The following VPS13B variants were observed in gnomAD, a reference collection of about 807,000 sequenced individuals.
The protein encoded by VPS13B is vacuolar protein sorting 13 homolog B.
Under a neutral mutation model 426.4 loss-of-function variants are expected in VPS13B, and 285 were observed. The ratio of observed to expected loss-of-function variants is 0.67; its 90% CI spans 0.61 to 0.74. VPS13B has a LOEUF of 0.74. Ranked by LOEUF, VPS13B falls within the 30% of genes least tolerant of loss-of-function variation. The pLI is 0.00. For synonymous variants in VPS13B, 1,676 were observed against 1,676.4 expected, an observed-to-expected ratio of 1.00 and a Z score of 0.01; for missense variants, 4,537 against 4,782.6, an observed-to-expected ratio of 0.95 and a Z score of 1.51.
At chr8:99,089,551 A>G (rs1460468458) in intron 3 of VPS13B, among the ~76,000 whole-genome samples, 1 of 152,212 alleles carries the variant, frequency 6.6e-6, no homozygotes, top group African/African-American at 2.4e-5. Context: ...CTTCCAAGTA[A>G]TAGGTGGAAT....
chr8:99,090,198 A>G lies in VPS13B; in HGVS notation c.292-6114A>G, dbSNP rs750216636. 5.1e-4 allele frequency among the ~76,000 whole-genome samples: 77 copies of G among 151,094 alleles called. 1 individual carries two copies. The highest frequency in any genetic ancestry group is 1.9e-4 in the Non-Finnish European group (13 of 67,864). ...CTCCACTTTTCTTAAGAGAAGCTCT[A>G]CTTTTCTTATCCTTGAAATACTTGC... On this transcript the variant is annotated intron_variant, in intron 3 of 61. Transcript: ENST00000357162.
chr8:99,467,238 C>T (rs150542171), intron 23 of VPS13B, among the ~76,000 whole-genome samples, 176 bp from the exon 24 acceptor site: 34 of 152,156 alleles, frequency 2.2e-4, no homozygotes, highest in Non-Finnish European at 4.0e-4. Flanking sequence ...TAATTACTGA[C>T]AGAATTTTCA....
intron 3 of VPS13B, among the ~76,000 whole-genome samples, chr8:99,067,389 A>T (rs1312038168): frequency 6.6e-6 from 1 of 152,224 alleles, no homozygotes; most frequent in African/African-American, 2.4e-5. Flanking sequence ...AAACCGTCAC[A>T]AGGATAGAAA....
At chr8:99,487,494 C>T (rs1322037292) in intron 25 of VPS13B, among the ~76,000 whole-genome samples, 1 of 152,064 alleles carries the variant, frequency 6.6e-6, no homozygotes, top group Non-Finnish European at 1.5e-5. Context: ...TTAAAATGTA[C>T]AATTTAGTGG....
intron 31 of VPS13B, among the ~76,000 whole-genome samples, chr8:99,566,599 C>T (rs899541710): frequency 2.0e-5 from 3 of 152,048 alleles, no homozygotes; most frequent in Admixed American, 1.3e-4. Context: ...TGTGCCGCCA[C>T]GCCCAGCTGA....
intron 33 of VPS13B, among the ~76,000 whole-genome samples, chr8:99,635,764 A>G (rs774866657): frequency 4.6e-5 from 7 of 151,990 alleles, no homozygotes; most frequent in Non-Finnish European, 7.4e-5. Context: ...AGAAGTTTCA[A>G]TCAAGCTTCC....
chr8:99,498,560 G>A (rs1821055040), intron 25 of VPS13B, among the ~76,000 whole-genome samples: 1 of 151,602 alleles, frequency 6.6e-6, no homozygotes, highest in Non-Finnish European at 1.5e-5. Flanking sequence ...AAGAAAATAA[G>A]CTCATGAAAA....
intron 5 of VPS13B, among the ~76,000 whole-genome samples, chr8:99,108,503 A>C (rs916116386): frequency 6.6e-6 from 1 of 152,090 alleles, no homozygotes; most frequent in Non-Finnish European, 1.5e-5. Flanking sequence ...ATAGATATCC[A>C]GTTTTCCCAG....
chr8:99,688,950 G>A (rs905975035), intron 35 of VPS13B, among the ~76,000 whole-genome samples: 23 of 152,186 alleles, frequency 1.5e-4, no homozygotes, highest in African/African-American at 5.3e-4. Context: ...TTACTAGGGA[G>A]AATGACTGGA....
At chr8:99,056,443 T>C (rs1843868428) in intron 3 of VPS13B, among the ~76,000 whole-genome samples, 1 of 152,246 alleles carries the variant, frequency 6.6e-6, no homozygotes, top group South Asian at 2.1e-4. Flanking sequence ...TGGGATTTTC[T>C]ATATATAGAG....
intron 39 of VPS13B, among the ~76,000 whole-genome samples, chr8:99,741,209 G>A (rs1185597402): frequency 1.3e-5 from 2 of 152,086 alleles, no homozygotes; most frequent in Non-Finnish European, 2.9e-5. Context: ...AACCAACAAA[G>A]ATCAAAGGAC....
chr8:99,417,765 C>T (rs2133373171), intron 21 of VPS13B, among the ~76,000 whole-genome samples: 1 of 152,190 alleles, frequency 6.6e-6, no homozygotes, highest in East Asian at 1.9e-4. Flanking sequence ...CTTTTCTCCT[C>T]TTTATTCCCC....
rs149105440 is a variant in VPS13B, at chr8:99,603,144, A to C, written c.5220+25511A>C. 1.7e-3 allele frequency among the ~76,000 whole-genome samples: 266 copies of C among 152,340 alleles called. 1 individual carries two copies. The highest frequency in any genetic ancestry group is 6.3e-3 in the African/African-American group (260 of 41,578). The stretch of plus-strand genomic sequence containing the variant: ...AAAAATGATACAACGACATTCCTAA[A>C]TTAGTGGAGAATTGTATGTCCCTAA... On this transcript the variant is annotated intron_variant, in intron 33 of 61. Coordinates refer to ENST00000357162, the MANE Select transcript of VPS13B (RefSeq NM_152564.5).
intron 17 of VPS13B, among the ~76,000 whole-genome samples, chr8:99,224,740 GT>G (rs1359270070): frequency 2.6e-5 from 4 of 151,858 alleles, no homozygotes; most frequent in Non-Finnish European, 1.5e-5. Context: ...ATTTTTACAT[GT>G]TTTTTATTTA....
intron 30 of VPS13B, among the ~76,000 whole-genome samples, chr8:99,549,894 T>C (rs1824187347): frequency 6.6e-6 from 1 of 152,160 alleles, no homozygotes; most frequent in Non-Finnish European, 1.5e-5. Context: ...TGGGCTTTTT[T>C]GAACTTGTTT....
At position 99,744,270 on chromosome 8, in the gene VPS13B, T is replaced by A. The variant is rs891180929; in HGVS notation, c.7051-22504T>A. Among the ~76,000 whole-genome samples the A allele has an allele frequency of 6.6e-5, 10 of 152,204 alleles. No homozygotes were observed. The East Asian group carries it at 1.7e-3, about 26-fold the overall frequency. The stretch of plus-strand genomic sequence containing the variant: ...AATGCAAATCAAAACCACAGTGAGA[T>A]ACCATCTCACACCAGCTAGAATGGT... On this transcript the variant is annotated intron_variant, in intron 39 of 61. Coordinates refer to ENST00000357162, the MANE Select transcript of VPS13B (RefSeq NM_152564.5).
At position 99,353,275 on chromosome 8, in the gene VPS13B, C is replaced by T. The variant is rs78379201; in HGVS notation, c.2825-30933C>T. Among the ~76,000 whole-genome samples, 201 of 152,266 alleles carry T rather than the reference C, an allele frequency of 1.3e-3. 6 individuals are homozygous for T. In the East Asian group the frequency reaches 0.035, roughly 27 times the overall value. ...CTGGGATTACCAGTGTGAGCCACCA[C>T]GCCCGACCACACTATGTTCTTGATA... On this transcript the variant is annotated intron_variant, in intron 19 of 61. Transcript: ENST00000357162.
intron 19 of VPS13B, among the ~76,000 whole-genome samples, chr8:99,323,739 C>T (rs1810102150): frequency 6.6e-6 from 1 of 152,196 alleles, no homozygotes; most frequent in Non-Finnish European, 1.5e-5. Flanking sequence ...CTGTATTCCT[C>T]TTCCCCAATA....
At chr8:99,236,702 G>A (rs562096820) in intron 17 of VPS13B, among the ~76,000 whole-genome samples, 15 of 152,326 alleles carry the variant, frequency 9.8e-5, no homozygotes, top group Non-Finnish European at 1.6e-4. Context: ...ACAGACAGCA[G>A]TGATCTTCAT....
Sources: allele counts gnomAD v4.1 joint callset (sites outside exome capture counted in the v4.1 genomes callset), GRCh38; gene constraint gnomAD v4.1.1; transcripts MANE v1.5; gene names NCBI Gene and HGNC (gene_info 2026-07-23, HGNC 2026-07-21).